The following GALNTL6 variants were observed in gnomAD, a reference collection of about 807,000 sequenced individuals.
GALNTL6 encodes the protein polypeptide N-acetylgalactosaminyltransferase like 6.
A neutral mutation model predicts 73.7 loss-of-function variants in GALNTL6; 46 were observed. The ratio of observed to expected loss-of-function variants is 0.62; its 90% CI spans 0.49 to 0.80. The LOEUF (loss-of-function observed/expected upper bound fraction) is 0.80. GALNTL6 is among the 30% of genes least tolerant of loss of function. The pLI, the probability that GALNTL6 is intolerant of heterozygous loss-of-function variation, is 0.00. For missense variants in GALNTL6, 604 were observed against 755.0 expected (o/e 0.80, Z 2.34); for synonymous variants, 259 against 263.7 (o/e 0.98, Z 0.17).
intron 4 of GALNTL6, among the ~76,000 whole-genome samples, chr4:172,318,133 T>C (rs1291058207): frequency 6.6e-6 from 1 of 152,218 alleles, no homozygotes; most frequent in Non-Finnish European, 1.5e-5. Flanking sequence ...CCCTTCAATA[T>C]TTTTTGAAAA....
intron 2 of GALNTL6, among the ~76,000 whole-genome samples, chr4:172,026,292 T>C (rs1294022793): frequency 6.6e-6 from 1 of 152,094 alleles, no homozygotes; most frequent in South Asian, 2.1e-4. Context: ...GCCAATAAAA[T>C]TTCCATGGAA....
chr4:172,492,275 A>G (rs1241432170), intron 5 of GALNTL6, among the ~76,000 whole-genome samples: 1 of 152,178 alleles, frequency 6.6e-6, no homozygotes, highest in Non-Finnish European at 1.5e-5. Flanking sequence ...ATTGGCTTAT[A>G]GAGGTGTTCA....
chr4:172,087,626 T>C (rs1310485880), intron 2 of GALNTL6, among the ~76,000 whole-genome samples: 1 of 151,918 alleles, frequency 6.6e-6, no homozygotes, highest in Non-Finnish European at 1.5e-5. Flanking sequence ...TAAATATATA[T>C]CATTGCCTTT....
intron 5 of GALNTL6, among the ~76,000 whole-genome samples, chr4:172,520,913 A>G (rs1314075963): frequency 6.6e-6 from 1 of 152,054 alleles, no homozygotes; most frequent in Non-Finnish European, 1.5e-5. Context: ...CAAAGTTGCA[A>G]CTTTCAAAAT....
At chr4:172,347,362 T>C (rs1339147851) in intron 4 of GALNTL6, among the ~76,000 whole-genome samples, 3 of 152,180 alleles carry the variant, frequency 2.0e-5, no homozygotes, top group Non-Finnish European at 1.5e-5. Flanking sequence ...ATATGTACAA[T>C]AGCTTGTCCT....
At chr4:172,914,539 A>C (rs1747395395) in intron 8 of GALNTL6, among the ~76,000 whole-genome samples, 1 of 152,234 alleles carries the variant, frequency 6.6e-6, no homozygotes, top group East Asian at 1.9e-4. Context: ...GCTCAAAATA[A>C]AGGGATGGAG....
At chr4:172,481,246 G>A (rs959102505) in intron 5 of GALNTL6, among the ~76,000 whole-genome samples, 7 of 151,752 alleles carry the variant, frequency 4.6e-5, no homozygotes, top group South Asian at 2.1e-4. Context: ...CTCCCGACCC[G>A]AGTTGTTCAT....
chr4:172,588,353 A>ATT (rs1053841243), intron 5 of GALNTL6, among the ~76,000 whole-genome samples: 2 of 152,006 alleles, frequency 1.3e-5, no homozygotes, highest in Non-Finnish European at 2.9e-5. Flanking sequence ...CAGCACTTTG[A>ATT]GAGGCCGAAG....
intron 4 of GALNTL6, among the ~76,000 whole-genome samples, chr4:172,347,321 A>G (rs755563131): frequency 6.6e-6 from 1 of 152,106 alleles, no homozygotes; most frequent in Non-Finnish European, 1.5e-5. Context: ...ATTACTCTGA[A>G]TGCAATTCCT....
intron 8 of GALNTL6, among the ~76,000 whole-genome samples, chr4:172,905,930 T>C (rs995492109): frequency 1.3e-5 from 2 of 151,432 alleles, no homozygotes; most frequent in Non-Finnish European, 2.9e-5. Context: ...GGATATCATA[T>C]GCAGGATGGC....
intron 5 of GALNTL6, among the ~76,000 whole-genome samples, chr4:172,711,449 G>A (rs1734698724): frequency 6.6e-6 from 1 of 152,160 alleles, no homozygotes; most frequent in Admixed American, 6.5e-5. Flanking sequence ...TCTGAGCTCA[G>A]TTGTGGCACA....
chr4:172,551,665 T>C lies in GALNTL6; in HGVS notation c.553+202976T>C, dbSNP rs964844735. Among the ~76,000 whole-genome samples, 6 of 152,188 alleles carry C rather than the reference T, an allele frequency of 3.9e-5. No individual in the cohort carries two copies. The South Asian group carries it at 8.3e-4, about 21-fold the overall frequency. ...ATAGGATACAGCAACAACCTCAGTC[T>C]GTAACAGTAATTTGGTAGGAGGAAT... On this transcript the variant is annotated intron_variant, in intron 5 of 12. Coordinates refer to ENST00000506823, the MANE Select transcript of GALNTL6 (RefSeq NM_001034845.3).
At chr4:172,217,254 G>A (rs1210168622) in intron 2 of GALNTL6, among the ~76,000 whole-genome samples, 1 of 152,130 alleles carries the variant, frequency 6.6e-6, no homozygotes, top group Non-Finnish European at 1.5e-5. Context: ...GGACAGCTTT[G>A]CAAGGCCGTT....
intron 5 of GALNTL6, among the ~76,000 whole-genome samples, chr4:172,722,599 G>A (rs1735546848): frequency 1.3e-5 from 2 of 151,634 alleles, no homozygotes; most frequent in Non-Finnish European, 1.5e-5. Context: ...AAATGCAAAT[G>A]AAAATATAAG....
chr4:172,143,687 C>T (rs1733856815), intron 2 of GALNTL6, among the ~76,000 whole-genome samples: 2 of 151,968 alleles, frequency 1.3e-5, no homozygotes, highest in Admixed American at 1.3e-4. Context: ...TACTGCCTGC[C>T]CCCCATTCAT....
intron 5 of GALNTL6, among the ~76,000 whole-genome samples, chr4:172,734,411 T>G (rs761325180): frequency 2.8e-4 from 43 of 152,032 alleles, no homozygotes; most frequent in Non-Finnish European, 5.9e-4. Flanking sequence ...CCAGGCCCAG[T>G]GGCCTAGGAG....
At chr4:172,886,620 G>T (rs556780875) in intron 8 of GALNTL6, among the ~76,000 whole-genome samples, 16 of 152,236 alleles carry the variant, frequency 1.1e-4, no homozygotes, top group Admixed American at 1.0e-3. Flanking sequence ...AAAATTAGTT[G>T]GGCGTGGTGG....
intron 4 of GALNTL6, among the ~76,000 whole-genome samples, chr4:172,329,787 C>G (rs961957428): frequency 3.3e-5 from 5 of 152,250 alleles, no homozygotes; most frequent in African/African-American, 9.6e-5. Context: ...CCTGGGAACT[C>G]CATCTCAGAG....
At chr4:172,003,181 C>T (rs1280238074) in intron 2 of GALNTL6, among the ~76,000 whole-genome samples, 1 of 151,978 alleles carries the variant, frequency 6.6e-6, no homozygotes, top group African/African-American at 2.4e-5. Context: ...ATAAAAAATA[C>T]AGACAATTTT....
Sources: gnomAD v4.1 joint callset for allele counts (sites outside exome capture counted in the v4.1 genomes callset) on GRCh38, gnomAD v4.1.1 for gene constraint, MANE v1.5 for transcripts, NCBI Gene and HGNC (gene_info 2026-07-23, HGNC 2026-07-21) for gene names.